The following SIRPA variants were observed in gnomAD, a reference collection of about 807,000 sequenced individuals.
SIRPA encodes the protein tyrosine-protein phosphatase non-receptor type substrate 1.
In SIRPA, 9 loss-of-function variants were observed where a neutral mutation model predicts 50.3. The ratio of observed to expected loss-of-function variants is 0.18; its 90% CI spans 0.11 to 0.31. SIRPA has a LOEUF of 0.31. Among genes scored for constraint, SIRPA ranks in the 10% least tolerant of loss-of-function variants. The pLI is 1.00. For synonymous variants in SIRPA, 265 were observed against 284.1 expected, an observed-to-expected ratio of 0.93 and a Z score of 0.68; for missense variants, 474 against 661.6, an observed-to-expected ratio of 0.72 and a Z score of 3.11.
chr20:1,922,653 C>T lies in SIRPA; in HGVS notation c.1087+8C>T, dbSNP rs1338860196. 1 of 1,607,184 alleles carries T rather than the reference C, an allele frequency of 6.2e-7. No individual in the cohort carries two copies. Among genetic ancestry groups the T allele is most frequent in the African/African-American group, 1.3e-5 (1 of 74,806 alleles). On this transcript the variant is annotated splice_region_variant and intron_variant, in intron 4 of 7. Coordinates refer to ENST00000358771, the MANE Select transcript of SIRPA (RefSeq NM_001040023.2). The stretch of plus-strand genomic sequence containing the variant: ...GCTCAAATACCGCCGCTGGTGAGGC[C>T]TCTATTTCAGCTGACCCAGCTTTTT...
chr20:1,930,924 C>T (rs572734090), intron 6 of SIRPA, among the ~76,000 whole-genome samples: 6 of 152,290 alleles, frequency 3.9e-5, no homozygotes, highest in South Asian at 2.1e-4. Flanking sequence ...CTTACCTCCC[C>T]GATTAGACAA....
intron 1 of SIRPA, among the ~76,000 whole-genome samples, chr20:1,907,483 C>G (rs889058430): frequency 6.6e-6 from 1 of 152,352 alleles, no homozygotes; most frequent in Middle Eastern, 3.4e-3. Flanking sequence ...ACCCTGAGTC[C>G]TGTCACCTCT....
chr20:1,899,312 G>C (rs1984023356), intron 1 of SIRPA, among the ~76,000 whole-genome samples: 1 of 152,056 alleles, frequency 6.6e-6, no homozygotes, highest in South Asian at 2.1e-4. Flanking sequence ...CTGTTGAGAT[G>C]CTGCAGGATA....
chr20:1,900,425 C>T (rs372997925), intron 1 of SIRPA, among the ~76,000 whole-genome samples: 13 of 152,240 alleles, frequency 8.5e-5, no homozygotes, highest in African/African-American at 3.1e-4. Flanking sequence ...GGGGGATGGA[C>T]AAGTTGAGTA....
chr20:1,910,059 C>G (rs867245260), intron 1 of SIRPA, among the ~76,000 whole-genome samples: 1 of 152,086 alleles, frequency 6.6e-6, no homozygotes, highest in African/African-American at 2.4e-5. Context: ...ATCTAAGATG[C>G]CAGCAGGAGC....
Position 1,937,688 on chromosome 20 carries a change from C to T in SIRPA, c.*120C>T. On this transcript the variant is annotated 3_prime_UTR_variant, in exon 8 of 8. Coordinates refer to ENST00000358771, the MANE Select transcript of SIRPA (RefSeq NM_001040023.2). This position sits in a 1 kb window ranked among gnomAD's most constrained non-coding sequence, Gnocchi z 8.3. Reference sequence around the variant, plus strand: ...GGCTGGGGCGGTGCAGGCTCTGGGACCCAGGGGCCAGGGTGGCTCTTCTCT... The same window carrying T: ...GGCTGGGGCGGTGCAGGCTCTGGGATCCAGGGGCCAGGGTGGCTCTTCTCT... 1 of 1,368,192 alleles carries T rather than the reference C, an allele frequency of 7.3e-7. No individual in the cohort carries two copies. Among genetic ancestry groups the T allele is most frequent in the East Asian group, 2.4e-5 (1 of 42,208 alleles). The allele number at this position is 1,368,192 out of a possible 1,614,324, so 84.8% of individuals were successfully genotyped here. A position where few individuals can be genotyped will look rare whatever the true frequency, so the allele number is the denominator to read the frequency against.
At chr20:1,917,790 C>G (rs1270058360) in intron 2 of SIRPA, among the ~76,000 whole-genome samples, 2 of 152,050 alleles carry the variant, frequency 1.3e-5, no homozygotes, top group Admixed American at 1.3e-4. Context: ...CTCATTGGAG[C>G]AAGAGTTTAT....
chr20:1,909,210 A>G (rs1235987297), intron 1 of SIRPA, among the ~76,000 whole-genome samples: 5 of 152,210 alleles, frequency 3.3e-5, no homozygotes, highest in Non-Finnish European at 1.5e-5. Context: ...TTGAGTACAA[A>G]CAAAGAATCT....
At chr20:1,908,351 C>T (rs950056300) in intron 1 of SIRPA, among the ~76,000 whole-genome samples, 1 of 151,916 alleles carries the variant, frequency 6.6e-6, no homozygotes, top group Non-Finnish European at 1.5e-5. Context: ...ACGTGCCACC[C>T]CCCACACACA....
chr20:1,913,043 G>A (rs1984997435), intron 1 of SIRPA, among the ~76,000 whole-genome samples: 1 of 152,122 alleles, frequency 6.6e-6, no homozygotes, highest in African/African-American at 2.4e-5. Context: ...TGTGGGTTCT[G>A]TTTTTTTCTC....
chr20:1,935,717 G>A (rs1192989068), intron 7 of SIRPA, among the ~76,000 whole-genome samples: 2 of 152,230 alleles, frequency 1.3e-5, no homozygotes, highest in African/African-American at 2.4e-5. Context: ...AAACCTCTAC[G>A]AAATTCACAG....
rs1419966787 is a variant in SIRPA, at chr20:1,915,834, T to C, written c.436+379T>C. Among the ~76,000 whole-genome samples, 3 of 152,344 alleles carry C rather than the reference T, an allele frequency of 2.0e-5. No homozygotes were observed. The East Asian group carries it at 5.8e-4, about 29-fold the overall frequency. On this transcript the variant is annotated intron_variant, in intron 2 of 7. Transcript: ENST00000358771. ...TCCCTCTCAGGGCAGCCGAGTCTCC[T>C]CTATGTGACAGGCACTCACTGAGAA...
intron 2 of SIRPA, among the ~76,000 whole-genome samples, chr20:1,917,955 C>T (rs1985400468): frequency 6.6e-6 from 1 of 152,152 alleles, no homozygotes; most frequent in Non-Finnish European, 1.5e-5. Context: ...TGTCAGGGTT[C>T]ATGAAGTTCA....
intron 7 of SIRPA, among the ~76,000 whole-genome samples, chr20:1,935,674 G>GA (rs1040015629): frequency 3.9e-4 from 59 of 152,272 alleles, no homozygotes; most frequent in Non-Finnish European, 7.2e-4. Flanking sequence ...TCTTCTGGGG[G>GA]AAAAAAATGA....
intron 1 of SIRPA, among the ~76,000 whole-genome samples, chr20:1,900,751 T>G (rs1276488927): frequency 6.6e-6 from 1 of 152,226 alleles, no homozygotes; most frequent in Non-Finnish European, 1.5e-5. Flanking sequence ...TTCCACTGTT[T>G]CAGCCAGAAA....
At position 1,924,132 on chromosome 20, in the gene SIRPA, G is replaced by A. The variant is rs1985835045; in HGVS notation, c.1088-632G>A. 6.6e-6 allele frequency among the ~76,000 whole-genome samples: 1 copy of A among 152,196 alleles called. No individual in the cohort carries two copies. Among genetic ancestry groups the A allele is most frequent in the African/African-American group, 2.4e-5 (1 of 41,448 alleles). ...TAACTGACTTGTCCAGGGTCACACA[G>A]CTACTTAGTAGCATAGATTTGAAAG... On this transcript the variant is annotated intron_variant, in intron 4 of 7. Transcript: ENST00000358771. The surrounding 1 kb of genome is among the most constrained non-coding windows in gnomAD (Gnocchi z 4.5).
intron 7 of SIRPA, among the ~76,000 whole-genome samples, chr20:1,935,151 A>G (rs929633746): frequency 1.3e-5 from 2 of 152,118 alleles, no homozygotes. Context: ...AGGCTTTTCT[A>G]TGCTGGAACT....
intron 1 of SIRPA, among the ~76,000 whole-genome samples, chr20:1,903,525 A>G (rs1984364810): frequency 6.6e-6 from 1 of 152,102 alleles, no homozygotes; most frequent in South Asian, 2.1e-4. Context: ...GAATCAAGTC[A>G]TCTTTGGTTC....
chr20:1,932,053 G>A lies in SIRPA; in HGVS notation c.1227-2662G>A, dbSNP rs1251618999. Among the ~76,000 whole-genome samples the A allele has an allele frequency of 6.6e-6, 1 of 151,418 alleles. No homozygotes were observed. Among genetic ancestry groups the A allele is most frequent in the African/African-American group, 2.4e-5 (1 of 41,124 alleles). The stretch of plus-strand genomic sequence containing the variant: ...ATGGCACTTAAGAGCCAGTGAGAAA[G>A]ATTCATTCATTCATTCATTCATTCA... On this transcript the variant is annotated intron_variant, in intron 6 of 7. Transcript: ENST00000358771. The surrounding 1 kb of genome is among the most constrained non-coding windows in gnomAD (Gnocchi z 6.0).
Sources: allele counts gnomAD v4.1 joint callset (sites outside exome capture counted in the v4.1 genomes callset), GRCh38; gene constraint gnomAD v4.1.1; non-coding constraint Gnocchi (gnomAD v3.1); transcripts MANE v1.5; gene names NCBI Gene and HGNC (gene_info 2026-07-23, HGNC 2026-07-21).